The following UBR2 variants were observed in gnomAD, a reference collection of about 807,000 sequenced individuals.
UBR2 encodes the protein ubiquitin protein ligase E3 component n-recognin 2.
In UBR2, 92 loss-of-function variants were observed where a neutral mutation model predicts 247.9. The ratio of observed to expected loss-of-function variants is 0.37; its 90% confidence interval spans 0.31 to 0.44. UBR2 has a LOEUF of 0.44. Among genes scored for constraint, UBR2 ranks in the 20% least tolerant of loss-of-function variants. The pLI, the probability that UBR2 is intolerant of heterozygous loss-of-function variation, is 1.00. For synonymous variants in UBR2, 672 were observed against 693.5 expected (o/e 0.97, Z 0.49); for missense variants, 1,613 against 2,112.6 (o/e 0.76, Z 4.64).
intron 4 of UBR2, among the ~76,000 whole-genome samples, chr6:42,598,469 T>TG (rs1491293257): frequency 6.6e-6 from 1 of 152,076 alleles, no homozygotes; most frequent in Non-Finnish European, 1.5e-5. Context: ...CTGAAAGCAT[T>TG]GTGTTTCGCC....
rs1387605328 is a variant in UBR2 at position 42,684,784 on chromosome 6, T to C, written c.4776-10T>C. ...AATGGAGTGTTCTTTAATTTTTCTC[T>C]TTTTTTCAGATATCCAAGAGAATCT... On this transcript the variant is annotated splice_polypyrimidine_tract_variant and intron_variant, in intron 43 of 46. Transcript: ENST00000372901. 4 of 1,598,308 alleles carry C rather than the reference T, an allele frequency of 2.5e-6. No individual in the cohort carries two copies. Among genetic ancestry groups the C allele is most frequent in the East Asian group, 2.2e-5 (1 of 44,622 alleles).
chr6:42,677,492 C>A (rs1408804470), intron 40 of UBR2, among the ~76,000 whole-genome samples: 1 of 152,174 alleles, frequency 6.6e-6, no homozygotes, highest in Non-Finnish European at 1.5e-5. Context: ...AAGATGGACA[C>A]TCCAGCCAGG....
intron 4 of UBR2, among the ~76,000 whole-genome samples, chr6:42,597,233 G>A (rs1793033110): frequency 1.3e-5 from 2 of 152,104 alleles, no homozygotes; most frequent in Admixed American, 6.5e-5. Flanking sequence ...ATCCTGCCTG[G>A]AGAATGTATA....
At chr6:42,642,507 A>C (rs1222803968) in intron 18 of UBR2, 26 bp downstream of exon 18, 2 of 1,581,336 alleles carry the variant, frequency 1.3e-6, no homozygotes, top group Admixed American at 1.7e-5. Context: ...CATTGAACTT[A>C]AAGGTTGTGG....
At chr6:42,639,953 G>C (rs1490240199) in intron 15 of UBR2, among the ~76,000 whole-genome samples, 1 of 152,112 alleles carries the variant, frequency 6.6e-6, no homozygotes, top group African/African-American at 2.4e-5. Flanking sequence ...GCGTGAACCC[G>C]GGAGGCGGAG....
In UBR2 at chr6:42,676,771, C is replaced by G; in HGVS notation, c.4388-12C>G. The G allele has an allele frequency of 6.2e-7, 1 of 1,608,836 alleles. No individual in the cohort carries two copies. The highest frequency in any genetic ancestry group is 8.5e-7 in the Non-Finnish European group (1 of 1,175,524). On this transcript the variant is annotated splice_polypyrimidine_tract_variant and intron_variant, in intron 39 of 46. Transcript: ENST00000372901. ...GGAAAATACAGAGTACTAGTATTTC[C>G]TTATCTTTCAGAAGAGAATGGCATG... is the stretch of plus-strand genomic sequence containing the variant.
At chr6:42,642,083 G>T (rs2151958716) in intron 17 of UBR2, among the ~76,000 whole-genome samples, 1 of 151,284 alleles carries the variant, frequency 6.6e-6, no homozygotes, top group African/African-American at 2.4e-5. Flanking sequence ...TTTTTTCCAA[G>T]ATCAGACAAG....
At chr6:42,649,210 G>A (rs1256325874) in intron 22 of UBR2, among the ~76,000 whole-genome samples, 1 of 152,130 alleles carries the variant, frequency 6.6e-6, no homozygotes, top group African/African-American at 2.4e-5. Context: ...GTTTCACCAT[G>A]TTGACCAGGC....
intron 11 of UBR2, among the ~76,000 whole-genome samples, chr6:42,630,779 C>G (rs539470614): frequency 1.2e-3 from 190 of 152,036 alleles, no homozygotes; most frequent in Admixed American, 2.0e-3. Context: ...AGACTTCTGT[C>G]TTCTGCATTT....
At chr6:42,613,574 A>T (rs1279288489) in intron 8 of UBR2, among the ~76,000 whole-genome samples, 1 of 152,086 alleles carries the variant, frequency 6.6e-6, no homozygotes, top group Non-Finnish European at 1.5e-5. Flanking sequence ...AATTTTTTTT[A>T]AAAGAAAATA....
rs777937072 is a variant in UBR2, at chr6:42,612,318, T to C, written c.985+27T>C. 6 of 1,480,310 alleles carry C rather than the reference T, an allele frequency of 4.1e-6. No homozygotes were observed. The East Asian group carries it at 1.4e-4, about 35-fold the overall frequency. 91.7% of individuals were successfully genotyped at this position (1,480,310 alleles called of 1,614,324 possible). A position where few individuals can be genotyped will look rare whatever the true frequency, so the allele number is the denominator to read the frequency against. On this transcript the variant is annotated intron_variant, in intron 8 of 46. Coordinates refer to ENST00000372901, the MANE Select transcript of UBR2 (RefSeq NM_001363705.2). ...TAGGTTCATAAAAGTTCATGCCAAT[T>C]GTCTATTAAAAATGAGCTCAATATG...
intron 1 of UBR2, among the ~76,000 whole-genome samples, chr6:42,569,268 A>T (rs1046408518): frequency 6.6e-6 from 1 of 152,212 alleles, no homozygotes; most frequent in Non-Finnish European, 1.5e-5. Flanking sequence ...ATTGTTTTAC[A>T]TTCCCACCAG....
At chr6:42,577,565 AATCTT>A (rs1446293275) in intron 2 of UBR2, among the ~76,000 whole-genome samples, 2 of 152,168 alleles carry the variant, frequency 1.3e-5, no homozygotes, top group Admixed American at 1.3e-4. Flanking sequence ...AGTGGGCAAA[AATCTT>A]AGTGTTGATT....
chr6:42,676,906 C>T, intron 40 of UBR2, 33 bp downstream of exon 40: 1 of 1,488,704 alleles, frequency 6.7e-7, no homozygotes, highest in South Asian at 1.1e-5. Context: ...ACGCATTTCC[C>T]TAAATATTGC....
At chr6:42,579,862 A>C (rs1487557887) in intron 2 of UBR2, among the ~76,000 whole-genome samples, 1 of 152,214 alleles carries the variant, frequency 6.6e-6, no homozygotes, top group Non-Finnish European at 1.5e-5. Context: ...CATATGAATG[A>C]AATTATACTA....
chr6:42,688,741 T>C (rs1799590203), intron 45 of UBR2, among the ~76,000 whole-genome samples: 1 of 152,348 alleles, frequency 6.6e-6, no homozygotes, highest in South Asian at 2.1e-4. Flanking sequence ...CCTCCACTTA[T>C]ACATATTATC....
rs1798924128 is a variant in UBR2 at position 42,679,795 on chromosome 6, C to G, written c.4681C>G (p.Gln1561Glu). 6.2e-7 allele frequency: 1 copy of G among 1,612,632 alleles called. No individual in the cohort carries two copies. The highest frequency in any genetic ancestry group is 1.3e-5 in the African/African-American group (1 of 74,874). The change falls in exon 42 of 47, where the codon CAA becomes GAA. Residue 1561 changes from glutamine (Q) to glutamate (E), a missense_variant. Physicochemically the swap from Gln to Glu is conservative, Grantham distance 29. Transcript: ENST00000372901. ...ACCAAACAACCTCATTTGCCTTTTT[C>G]AAGAAAATAGTGAGATAATGAATTC... Reference protein sequence around the residue: ...SLPNNLICLFQENSEIMNSLI... With the variant: ...SLPNNLICLFEENSEIMNSLI...
chr6:42,594,136 C>A, intron 3 of UBR2, 55 bp from the exon 4 acceptor site: 1 of 1,322,650 alleles, frequency 7.6e-7, no homozygotes. Context: ...TATTTATTAT[C>A]TGATAGCCCT....
Position 42,648,065 on chromosome 6 carries a change from G to A in UBR2, c.2410-53G>A, listed in dbSNP as rs200520928. ...TCAATGAGATAAAACACAATGCTAA[G>A]AGTGCTAGTAGTTATTATTAACATG... is the stretch of plus-strand genomic sequence containing the variant. On this transcript the variant is annotated intron_variant, in intron 21 of 46. Coordinates refer to ENST00000372901, the MANE Select transcript of UBR2 (RefSeq NM_001363705.2). 3.5e-5 allele frequency: 51 copies of A among 1,439,552 alleles called. No homozygotes were observed. The East Asian group carries it at 1.1e-3, about 31-fold the overall frequency. 89.2% of individuals were successfully genotyped at this position (1,439,552 alleles called of 1,614,324 possible).
Sources: allele counts gnomAD v4.1 joint callset (sites outside exome capture counted in the v4.1 genomes callset), GRCh38; gene constraint gnomAD v4.1.1; transcripts MANE v1.5; gene names NCBI Gene and HGNC (gene_info 2026-07-23, HGNC 2026-07-21).